NEDD9: variants seen among roughly 807,000 people sequenced by gnomAD.
The protein encoded by NEDD9 is neural precursor cell expressed, developmentally down-regulated 9.
NEDD9 carries 26 observed loss-of-function variants against 76.6 expected under a neutral mutation model. That is an observed-to-expected ratio of 0.34 (90% CI 0.25 to 0.47). The LOEUF (loss-of-function observed/expected upper bound fraction) is 0.47. Among genes scored for constraint, NEDD9 ranks in the 20% least tolerant of loss-of-function variants. NEDD9 has a pLI of 1.00. For synonymous variants in NEDD9, 392 were observed against 414.2 expected (o/e 0.95, Z 0.65); for missense variants, 937 against 1,058.5 (o/e 0.89, Z 1.59).
rs1252868420 is a variant in NEDD9, at chr6:11,319,512, ACT to A, written c.-152-13359_-152-13358del. Reference sequence around the variant, plus strand: ...TAATCACACACTCATGCACACACACACTAACATGCACACTCACACTAACATGC... The same window carrying A: ...TAATCACACACTCATGCACACACACAAACATGCACACTCACACTAACATGC... On this transcript the variant is annotated intron_variant, in intron 2 of 3. Transcript: ENST00000397378. Among the ~76,000 whole-genome samples the A allele has an allele frequency of 3.0e-3, 365 of 120,490 alleles. 1 individual carries two copies. The highest frequency in any genetic ancestry group is 0.012 in the African/African-American group (349 of 28,280). 79.0% of individuals were successfully genotyped at this position (120,490 alleles called of 152,430 possible).
chr6:11,324,090 T>G (rs895895015), intron 2 of NEDD9, among the ~76,000 whole-genome samples: 1 of 152,192 alleles, frequency 6.6e-6, no homozygotes, highest in African/African-American at 2.4e-5. Context: ...GGGAGGGCAC[T>G]CAGTGCTTGG....
intron 1 of NEDD9, chr6:11,352,476 T>TAACCA (rs1312960375): frequency 6.6e-6 from 1 of 152,194 alleles, no homozygotes; most frequent in African/African-American, 2.4e-5. Flanking sequence ...GCCTCAAGCA[T>TAACCA]AATCATTTGG....
At chr6:11,284,514 T>C (rs1407377847) in intron 3 of NEDD9, among the ~76,000 whole-genome samples, 2 of 150,166 alleles carry the variant, frequency 1.3e-5, no homozygotes, top group Non-Finnish European at 3.0e-5. Flanking sequence ...TGCAATGAGA[T>C]AAGATCGCGC....
chr6:11,349,231 A>G (rs1353829657), intron 1 of NEDD9, among the ~76,000 whole-genome samples: 2 of 152,208 alleles, frequency 1.3e-5, no homozygotes, highest in Non-Finnish European at 2.9e-5. Flanking sequence ...ACTATCTCAC[A>G]CCAGTCAGAA....
intron 3 of NEDD9, among the ~76,000 whole-genome samples, chr6:11,302,516 TG>T (rs779000545): frequency 1.5e-4 from 23 of 152,358 alleles, no homozygotes; most frequent in Non-Finnish European, 2.9e-4. Context: ...ACTCATTTTA[TG>T]AGGCTAGAAT....
chr6:11,299,471 G>A (rs1388216094), intron 3 of NEDD9, among the ~76,000 whole-genome samples: 1 of 152,180 alleles, frequency 6.6e-6, no homozygotes, highest in African/African-American at 2.4e-5. Flanking sequence ...AGACTTAAAC[G>A]TCCCTGTCTG....
rs550226947 is a variant in NEDD9, at chr6:11,247,781, T to C, written c.13-34054A>G. 2.0e-5 allele frequency among the ~76,000 whole-genome samples: 3 copies of C among 152,328 alleles called. No individual in the cohort carries two copies. In the East Asian group the frequency reaches 5.8e-4, roughly 29 times the overall value. On this transcript the variant is annotated intron_variant, in intron 3 of 3. Transcript: ENST00000397378. Reference sequence around the variant, plus strand: ...AGATGACTTCAGTCGCATGAACACATGTATACATTTAACACATGCAAGGGA... The same window carrying C: ...AGATGACTTCAGTCGCATGAACACACGTATACATTTAACACATGCAAGGGA...
intron 3 of NEDD9, among the ~76,000 whole-genome samples, chr6:11,248,071 G>GT (rs1181187341): frequency 1.3e-5 from 2 of 151,884 alleles, no homozygotes; most frequent in Non-Finnish European, 2.9e-5. Context: ...ATTTTAAAGA[G>GT]TTTTTTAACT....
chr6:11,311,772 G>GGCGCAGAA (rs1220298855), intron 2 of NEDD9, among the ~76,000 whole-genome samples: 2 of 152,154 alleles, frequency 1.3e-5, no homozygotes, highest in Non-Finnish European at 2.9e-5. Flanking sequence ...CTTTGGGTCG[G>GGCGCAGAA]GCGCAGAAGA....
chr6:11,250,456 T>G (rs1246893245), intron 3 of NEDD9, among the ~76,000 whole-genome samples: 1 of 152,156 alleles, frequency 6.6e-6, no homozygotes, highest in Middle Eastern at 3.2e-3. Context: ...CATCCTCAAG[T>G]GTTCTTAACA....
intron 2 of NEDD9, among the ~76,000 whole-genome samples, chr6:11,202,322 A>G (rs1182192178): frequency 6.9e-6 from 1 of 143,908 alleles, no homozygotes; most frequent in East Asian, 1.9e-4. Flanking sequence ...GCCTGTTGGA[A>G]AGGGCTTCTT....
rs1306518501 is a variant in NEDD9 at position 11,274,305 on chromosome 6, G to T, written c.12+31687C>A. On this transcript the variant is annotated intron_variant, in intron 3 of 3. Transcript: ENST00000397378. The stretch of plus-strand genomic sequence containing the variant: ...TGTCTTATGTTCTGAAGGGTGATGT[G>T]GGCCCCACTCTTCAGATTCTTCCCT... Among the ~76,000 whole-genome samples the T allele has an allele frequency of 3.9e-5, 6 of 152,152 alleles. No individual in the cohort carries two copies. The South Asian group carries it at 1.2e-3, about 31-fold the overall frequency.
chr6:11,372,116 CT>C (rs1030108911), intron 1 of NEDD9, among the ~76,000 whole-genome samples: 8 of 152,082 alleles, frequency 5.3e-5, no homozygotes, highest in South Asian at 4.1e-4. Context: ...TCTATCTCCC[CT>C]ACCTGCCCCC....
At chr6:11,220,085 C>A (rs1411419704) in intron 1 of NEDD9, among the ~76,000 whole-genome samples, 1 of 152,178 alleles carries the variant, frequency 6.6e-6, no homozygotes, top group Non-Finnish European at 1.5e-5. Flanking sequence ...TGTTCTGACA[C>A]ACTTTTCACT....
intron 3 of NEDD9, among the ~76,000 whole-genome samples, chr6:11,245,152 G>T (rs1048692929): frequency 5.3e-5 from 8 of 152,314 alleles, no homozygotes; most frequent in African/African-American, 1.7e-4. Context: ...TTGTGAACTT[G>T]TGTGTGGGAG....
At chr6:11,203,638 T>C (rs1348937787) in intron 2 of NEDD9, among the ~76,000 whole-genome samples, 1 of 152,104 alleles carries the variant, frequency 6.6e-6, no homozygotes, top group East Asian at 1.9e-4. Context: ...TAGGGGAAAA[T>C]GGGCAGAAAA....
intron 3 of NEDD9, among the ~76,000 whole-genome samples, chr6:11,287,483 G>A (rs559251961): frequency 6.6e-5 from 10 of 151,948 alleles, no homozygotes; most frequent in Non-Finnish European, 1.0e-4. Context: ...AGGTTTATAC[G>A]TGTGTGACAA....
At chr6:11,231,313 T>A (rs976337054) in intron 1 of NEDD9, among the ~76,000 whole-genome samples, 2 of 152,250 alleles carry the variant, frequency 1.3e-5, no homozygotes, top group Non-Finnish European at 1.5e-5. Context: ...GGCATTACTA[T>A]AAAGACTTTT....
intron 1 of NEDD9, 28 bp downstream of exon 1, chr6:11,232,476 A>C: frequency 6.2e-7 from 1 of 1,614,122 alleles, no homozygotes; most frequent in Non-Finnish European, 8.5e-7. Context: ...TCAGCTTGCA[A>C]GGTAACCTGT....
Sources: allele counts gnomAD v4.1 joint callset (sites outside exome capture counted in the v4.1 genomes callset), GRCh38; gene constraint gnomAD v4.1.1; transcripts MANE v1.5; gene names NCBI Gene and HGNC (gene_info 2026-07-23, HGNC 2026-07-21).